Variants in TAFA4 observed in about 807,000 individuals in gnomAD.
TAFA4 encodes the protein TAFA chemokine like family member 4.
A neutral mutation model predicts 21.1 loss-of-function variants in TAFA4; 20 were observed. That is an observed-to-expected ratio of 0.95 (90% confidence interval 0.67 to 1.38). The LOEUF is 1.38. Ranked by LOEUF, TAFA4 falls within the 40% of genes most tolerant of loss-of-function variation. TAFA4 has a pLI of 0.00. For missense variants in TAFA4, 211 were observed against 180.9 expected, an observed-to-expected ratio of 1.17 and a Z score of -0.95; for synonymous variants, 71 against 67.4, an observed-to-expected ratio of 1.05 and a Z score of -0.26.
chr3:68,927,330 A>G (rs956401891), intron 1 of TAFA4, among the ~76,000 whole-genome samples: 1 of 152,242 alleles, frequency 6.6e-6, no homozygotes, highest in Non-Finnish European at 1.5e-5. Context: ...TAAAACTACT[A>G]ATTTTCAGAG....
chr3:68,852,866 AAAAAGAAAAAAG>A (rs1011987592), intron 3 of TAFA4, among the ~76,000 whole-genome samples: 1 of 152,204 alleles, frequency 6.6e-6, no homozygotes, highest in African/African-American at 2.4e-5. Context: ...TGAGCACTGG[AAAAAGAAAAAAG>A]AAAAGAAAAA....
chr3:68,893,203 A>T (rs1220038945), intron 1 of TAFA4, among the ~76,000 whole-genome samples: 3 of 152,240 alleles, frequency 2.0e-5, no homozygotes, highest in African/African-American at 7.2e-5. Flanking sequence ...TTTGGAGATT[A>T]TCTACAAGTT....
At chr3:68,839,595 C>G (rs1704609237) in intron 3 of TAFA4, among the ~76,000 whole-genome samples, 1 of 152,196 alleles carries the variant, frequency 6.6e-6, no homozygotes, top group Admixed American at 6.5e-5. Flanking sequence ...AATTCACAAC[C>G]TTTTCACACT....
intron 1 of TAFA4, among the ~76,000 whole-genome samples, chr3:68,907,473 T>C (rs559284319): frequency 6.6e-6 from 1 of 152,336 alleles, no homozygotes; most frequent in Admixed American, 6.5e-5. Context: ...ATTTTTGTTA[T>C]GCTCAGGGCA....
At chr3:68,846,333 G>A (rs1237052069) in intron 3 of TAFA4, among the ~76,000 whole-genome samples, 1 of 151,806 alleles carries the variant, frequency 6.6e-6, no homozygotes, top group Admixed American at 6.6e-5. Flanking sequence ...GTACGCTTCA[G>A]GAAGTTCTTG....
chr3:68,790,513 C>G (rs1196252614), intron 3 of TAFA4, among the ~76,000 whole-genome samples: 1 of 152,056 alleles, frequency 6.6e-6, no homozygotes, highest in Non-Finnish European at 1.5e-5. Context: ...TGAGAATACT[C>G]ATAATTTAAC....
intron 5 of TAFA4, among the ~76,000 whole-genome samples, chr3:68,737,322 G>A (rs2134829): frequency 0.33 from 49,893 of 151,920 alleles, 8,735 homozygotes; most frequent in Non-Finnish European, 0.39. Context: ...TAGCAAGCAC[G>A]CTGAGTCTAT....
chr3:68,761,167 A>G (rs1295321513), intron 3 of TAFA4, among the ~76,000 whole-genome samples: 1 of 152,266 alleles, frequency 6.6e-6, no homozygotes, highest in Non-Finnish European at 1.5e-5. Flanking sequence ...TAAGTAGTAC[A>G]TGACAATTAT....
At chr3:68,733,695 A>G (rs112348160) in intron 5 of TAFA4, among the ~76,000 whole-genome samples, 3,289 of 152,294 alleles carry the variant, frequency 0.022, 97 homozygotes, top group East Asian at 0.067. Flanking sequence ...GTTTCTATTC[A>G]TGTAAGAAAT....
chr3:68,897,997 C>A (rs753901556), intron 1 of TAFA4, among the ~76,000 whole-genome samples: 4 of 152,100 alleles, frequency 2.6e-5, no homozygotes, highest in Non-Finnish European at 2.9e-5. Context: ...GGGGATGAGA[C>A]AAAGGACTGG....
At chr3:68,925,874 G>C (rs1022833173) in intron 1 of TAFA4, among the ~76,000 whole-genome samples, 4 of 152,032 alleles carry the variant, frequency 2.6e-5, no homozygotes, top group African/African-American at 9.7e-5. Context: ...CCCTCTAATG[G>C]GCCTTTGCTG....
At chr3:68,861,451 CAT>C (rs1229301170) in intron 3 of TAFA4, among the ~76,000 whole-genome samples, 2 of 152,044 alleles carry the variant, frequency 1.3e-5, no homozygotes, top group Non-Finnish European at 2.9e-5. Flanking sequence ...TTTTGCCAGG[CAT>C]CTTATGAAAC....
chr3:68,839,959 G>A (rs1018348542), intron 3 of TAFA4, among the ~76,000 whole-genome samples: 36 of 152,310 alleles, frequency 2.4e-4, no homozygotes, highest in Admixed American at 1.4e-3. Flanking sequence ...TTAATACACA[G>A]GCAGAAAGCT....
At chr3:68,863,581 A>G (rs2089378842) in intron 3 of TAFA4, among the ~76,000 whole-genome samples, 2 of 152,160 alleles carry the variant, frequency 1.3e-5, no homozygotes, top group African/African-American at 2.4e-5. Context: ...AAAAACTGAG[A>G]CCAAGAGAGT....
chr3:68,760,254 C>G (rs984872048), intron 3 of TAFA4, among the ~76,000 whole-genome samples: 1 of 152,160 alleles, frequency 6.6e-6, no homozygotes, highest in African/African-American at 2.4e-5. Flanking sequence ...AGCTTAAATA[C>G]ATATCATTTT....
At chr3:68,862,799 T>C (rs1198060758) in intron 3 of TAFA4, among the ~76,000 whole-genome samples, 1 of 151,764 alleles carries the variant, frequency 6.6e-6, no homozygotes, top group East Asian at 1.9e-4. Flanking sequence ...TAGCCACAAC[T>C]GCTAAGCAAT....
chr3:68,872,386 T>C (rs1488620623), intron 3 of TAFA4, among the ~76,000 whole-genome samples: 2 of 151,992 alleles, frequency 1.3e-5, no homozygotes, highest in African/African-American at 2.4e-5. Context: ...GATTGGTGGT[T>C]ACCAGGGGCT....
intron 3 of TAFA4, among the ~76,000 whole-genome samples, chr3:68,836,754 T>C (rs990598378): frequency 6.7e-6 from 1 of 150,302 alleles, no homozygotes; most frequent in Non-Finnish European, 1.5e-5. Flanking sequence ...CCACTTTGTA[T>C]AGCGAGAAAA....
At chr3:68,743,300 G>A (rs1442866996) in intron 4 of TAFA4, among the ~76,000 whole-genome samples, 2 of 152,208 alleles carry the variant, frequency 1.3e-5, no homozygotes, top group East Asian at 1.9e-4. Flanking sequence ...TCTTGGCCAG[G>A]CATGGTACCT....
Sources: allele counts gnomAD v4.1 joint callset (sites outside exome capture counted in the v4.1 genomes callset), GRCh38; gene constraint gnomAD v4.1.1; transcripts MANE v1.5; gene names NCBI Gene and HGNC (gene_info 2026-07-23, HGNC 2026-07-21).